Variants in NBPF10 observed in about 807,000 individuals in gnomAD.
The protein encoded by NBPF10 is NBPF family member NBPF10.
A neutral mutation model predicts 77.9 loss-of-function variants in NBPF10; 63 were observed. The ratio of observed to expected loss-of-function variants is 0.81; its 90% CI spans 0.66 to 1.00. The LOEUF (loss-of-function observed/expected upper bound fraction) is 1.00. Ranked by LOEUF, NBPF10 falls within the 50% of genes least tolerant of loss-of-function variation. NBPF10 has a pLI of 0.00. For missense variants in NBPF10, 522 were observed against 679.8 expected (o/e 0.77, Z 2.58); for synonymous variants, 146 against 264.5 (o/e 0.55, Z 4.35).
At chr1:146,126,700 G>T (rs1458236652) in intron 13 of NBPF10, among the ~76,000 whole-genome samples, 3 of 146,354 alleles carry the variant, frequency 2.0e-5, no homozygotes, top group African/African-American at 7.5e-5. Context: ...CTCTGTATTT[G>T]TGCTCTCAGG....
chr1:146,064,790 CA>C (rs1313859172), exon 90 of NBPF10: 1 of 67,272 alleles, frequency 1.5e-5, no homozygotes, highest in African/African-American at 5.9e-5. Flanking sequence ...AAAAACAATC[CA>C]AAAGTCCAGA....
intron 19 of NBPF10, among the ~76,000 whole-genome samples, chr1:146,121,877 A>T (rs1459353527): frequency 1.9e-4 from 29 of 148,956 alleles, no homozygotes; most frequent in African/African-American, 7.4e-4. Flanking sequence ...AGAGAGACAG[A>T]GACAGAGACA....
chr1:146,141,998 C>G lies in NBPF10; in HGVS notation c.279-180G>C, dbSNP rs1660354873. On this transcript the variant is annotated intron_variant, in intron 2 of 89. Coordinates refer to ENST00000583866, the Ensembl canonical transcript of NBPF10. ...ATAGAAAATGGTCTACAGGCTTTCC[C>G]TCTATCAGAGAGGGCTCCTGCAAGA... Among the ~76,000 whole-genome samples, 2 of 125,902 alleles carry G rather than the reference C, an allele frequency of 1.6e-5. 1 individual carries two copies. Among genetic ancestry groups the G allele is most frequent in the Non-Finnish European group, 3.7e-5 (2 of 54,102 alleles). The allele number at this position is 125,902 out of a possible 152,430, so 82.6% of individuals were successfully genotyped here. A position where few individuals can be genotyped will look rare whatever the true frequency, so the allele number is the denominator to read the frequency against.
intron 14 of NBPF10, among the ~76,000 whole-genome samples, chr1:146,126,013 T>C (rs80103266): frequency 7.3e-5 from 11 of 151,086 alleles, no homozygotes; most frequent in Admixed American, 2.6e-4. Context: ...AGGATTATGG[T>C]GCCACAGGCA....
chr1:146,141,727 A>T lies in NBPF10; in HGVS notation c.370T>A (p.Tyr124Asn), dbSNP rs4996268. The change falls in exon 3 of 90, where the codon TAT (tyrosine) becomes AAT (asparagine). Residue 124 changes from tyrosine to asparagine, a missense_variant. Around this residue, in one of 9 missense-constraint regions of NBPF10, gnomAD observed 71 missense variants for 114.9 expected, o/e 0.62. Transcript: ENST00000583866. ...GTGAGGAGGGCCTGGAGATGCTCAT[A>T]CAATGAGCGGGAGGCATCTCTCCCT... 1.5e-4 allele frequency: 191 copies of T among 1,300,708 alleles called. 43 individuals carry two copies. In the East Asian group the frequency reaches 1.9e-3, roughly 13 times the overall value. The allele number at this position is 1,300,708 out of a possible 1,614,324, so 80.6% of individuals were successfully genotyped here. A position where few individuals can be genotyped will look rare whatever the true frequency, so the allele number is the denominator to read the frequency against.
intron 9 of NBPF10, 53 bp downstream of exon 9, chr1:146,134,140 G>C (rs1553793966): frequency 7.2e-7 from 1 of 1,386,948 alleles, no homozygotes. Flanking sequence ...GTGCCTCCTA[G>C]ATATTCCTCA....
At chr1:146,069,550 G>C (rs782337099) in exon 86 of NBPF10, 14 of 970,306 alleles carry the variant, frequency 1.4e-5, no homozygotes, top group African/African-American at 1.0e-4. Flanking sequence ...CACCATCCAT[G>C]TCAACAGCCA....
chr1:146,067,011 G>A (rs1430186660), intron 89 of NBPF10, among the ~76,000 whole-genome samples, 169 bp downstream of exon 89: 2 of 142,644 alleles, frequency 1.4e-5, no homozygotes, highest in Non-Finnish European at 3.1e-5. Flanking sequence ...GATAAGGGGA[G>A]GAAGAAATGG....
intron 13 of NBPF10, among the ~76,000 whole-genome samples, chr1:146,126,696 A>G (rs1295153402): frequency 6.8e-6 from 1 of 146,366 alleles, no homozygotes; most frequent in Non-Finnish European, 1.5e-5. Flanking sequence ...GACACTCTGT[A>G]TTTGTGCTCT....
chr1:146,069,458 C>G, intron 86 of NBPF10, 85 bp downstream of exon 86: 1 of 589,826 alleles, frequency 1.7e-6, no homozygotes, highest in Non-Finnish European at 2.9e-6. Context: ...CATCTCTCAG[C>G]TCAGTAAGGG....
At chr1:146,138,875 C>T (rs58474748) in intron 5 of NBPF10, among the ~76,000 whole-genome samples, 10 of 144,504 alleles carry the variant, frequency 6.9e-5, no homozygotes, top group East Asian at 6.1e-4. Flanking sequence ...ACCTCTGCCG[C>T]CCGGGTTCAA....
chr1:146,069,301 C>A (rs368969346), intron 86 of NBPF10, among the ~76,000 whole-genome samples: 1 of 90,068 alleles, frequency 1.1e-5, no homozygotes, highest in Non-Finnish European at 2.3e-5. Flanking sequence ...GATCCAACAT[C>A]TTGAGAGTAG....
exon 9 of NBPF10, chr1:146,134,194 T>C: frequency 1.5e-6 from 2 of 1,378,504 alleles, no homozygotes; most frequent in South Asian, 1.2e-5. Context: ...CAGTGTTACC[T>C]GGGGGCAGAT....
intron 11 of NBPF10, among the ~76,000 whole-genome samples, chr1:146,128,796 C>G: frequency 6.6e-6 from 1 of 151,306 alleles, no homozygotes; most frequent in East Asian, 1.9e-4. Flanking sequence ...ATACACCTCT[C>G]CCTGGATTTA....
intron 80 of NBPF10, 103 bp downstream of exon 80, chr1:146,074,168 G>C: frequency 1.0e-5 from 1 of 97,606 alleles, no homozygotes; most frequent in South Asian, 8.7e-5. Flanking sequence ...TCCTCCCTGT[G>C]GCAATGACAT....
rs1660417359 is a variant in NBPF10 at position 146,142,597 on chromosome 1, C to T, written c.278+53G>A. On this transcript the variant is annotated intron_variant, in intron 2 of 89. Transcript: ENST00000583866. ...TACTTCTCCCCGCCGAGCTGCTGTA[C>T]TTCAGAGATCTACACACCTACCCGC... 1.4e-5 allele frequency: 14 copies of T among 978,868 alleles called. 1 individual carries two copies. Among genetic ancestry groups the T allele is most frequent in the Admixed American group, 1.1e-4 (6 of 52,880 alleles). 60.6% of individuals were successfully genotyped at this position (978,868 alleles called of 1,614,324 possible).
At chr1:146,126,368 A>C (rs1371179920) in exon 14 of NBPF10, 1 of 1,386,982 alleles carries the variant, frequency 7.2e-7, no homozygotes, top group Non-Finnish European at 1.0e-6. Flanking sequence ...GAGTCCTGCA[A>C]GACTTCAGGC....
In NBPF10 at chr1:146,126,131, G is replaced by C; in HGVS notation, c.2026+105C>G. 4 of 779,624 alleles carry C rather than the reference G, an allele frequency of 5.1e-6. No homozygotes were observed. In the South Asian group the frequency reaches 5.7e-5, roughly 11 times the overall value. The allele number at this position is 779,624 out of a possible 1,614,324, so 48.3% of individuals were successfully genotyped here. On this transcript the variant is annotated intron_variant, in intron 14 of 89. Transcript: ENST00000583866. ...CTACATGTGCCTATAGGTCCTCCCT[G>C]TGGCAATGACATCTCTCAGCTCAGT...
intron 6 of NBPF10, among the ~76,000 whole-genome samples, chr1:146,137,668 A>G (rs1261576799): frequency 8.3e-4 from 111 of 134,526 alleles, no homozygotes; most frequent in Non-Finnish European, 1.2e-3. Flanking sequence ...GGATTACAGG[A>G]GTGAGCCACC....
Sources: allele counts gnomAD v4.1 joint callset (sites outside exome capture counted in the v4.1 genomes callset), GRCh38; gene constraint gnomAD v4.1.1; regional missense constraint gnomAD v4.1.1; transcripts MANE v1.5; gene names NCBI Gene and HGNC (gene_info 2026-07-23, HGNC 2026-07-21).